EFCAB6: variants seen among roughly 807,000 people sequenced by gnomAD.
EFCAB6 encodes the protein EF-hand calcium binding domain 6.
In EFCAB6, 156 loss-of-function variants were observed where a neutral mutation model predicts 169.8. The ratio of observed to expected loss-of-function variants is 0.92; its 90% CI spans 0.81 to 1.05. The LOEUF is 1.05. Ranked by LOEUF, EFCAB6 falls within the 50% of genes least tolerant of loss-of-function variation. The pLI is 0.00. For synonymous variants in EFCAB6, 698 were observed against 676.4 expected (o/e 1.03, Z -0.50); for missense variants, 1,800 against 1,829.1 (o/e 0.98, Z 0.29).
intron 6 of EFCAB6, among the ~76,000 whole-genome samples, chr22:43,739,491 G>A (rs1319023518): frequency 6.6e-6 from 1 of 151,990 alleles, no homozygotes; most frequent in African/African-American, 2.4e-5. Context: ...GTTCACTCCT[G>A]TGGCTTCAAT....
chr22:43,607,020 C>T (rs1322488272), intron 22 of EFCAB6, among the ~76,000 whole-genome samples: 2 of 152,182 alleles, frequency 1.3e-5, no homozygotes, highest in Non-Finnish European at 2.9e-5. Flanking sequence ...CCCAGCCATC[C>T]TGTCCCCTGA....
intron 17 of EFCAB6, among the ~76,000 whole-genome samples, chr22:43,664,724 G>A (rs1236686950): frequency 6.6e-6 from 1 of 152,206 alleles, no homozygotes; most frequent in Non-Finnish European, 1.5e-5. Flanking sequence ...GATGTGGCTG[G>A]AGTTTCTTGA....
At chr22:43,724,373 T>TC (rs1483787514) in intron 8 of EFCAB6, among the ~76,000 whole-genome samples, 3 of 148,540 alleles carry the variant, frequency 2.0e-5, no homozygotes, top group South Asian at 4.3e-4. Flanking sequence ...TTTTCTTTTT[T>TC]TTTTTTTTTT....
chr22:43,766,925 T>C (rs2061342064), intron 4 of EFCAB6, among the ~76,000 whole-genome samples: 1 of 152,216 alleles, frequency 6.6e-6, no homozygotes. Context: ...AGTGGCACAA[T>C]CTTGGCTCAC....
chr22:43,670,920 T>C (rs73887378), intron 15 of EFCAB6, among the ~76,000 whole-genome samples: 4,175 of 152,326 alleles, frequency 0.027, 186 homozygotes, highest in African/African-American at 0.096. Context: ...CCTCACCATA[T>C]GCTTGGCCCT....
chr22:43,540,218 C>G lies in EFCAB6; in HGVS notation c.3788G>C (p.Ser1263Thr). The change falls in exon 28 of 32, where the codon AGT becomes ACT. Residue 1263 changes from serine to threonine, a missense_variant. Transcript: ENST00000262726. Reference sequence around the variant, plus strand: ...GGTGCCTTCCGAGACGTCAGGGACACTGCTCCCTCTCTGGGCCACGGCCGA... The same window carrying G: ...GGTGCCTTCCGAGACGTCAGGGACAGTGCTCCCTCTCTGGGCCACGGCCGA... ...GDSAVAQRGS[S>T]VPDVSEGTRS... 1 of 1,614,244 alleles carries G rather than the reference C, an allele frequency of 6.2e-7. No individual in the cohort carries two copies. The highest frequency in any genetic ancestry group is 2.2e-5 in the East Asian group (1 of 44,882).
Position 43,738,273 on chromosome 22 carries a change from T to C in EFCAB6, c.508-2280A>G, listed in dbSNP as rs115366568. 1.0e-3 allele frequency among the ~76,000 whole-genome samples: 149 copies of C among 142,178 alleles called. 1 individual carries two copies. Among genetic ancestry groups the C allele is most frequent in the Middle Eastern group, 4.6e-3 (1 of 218 alleles). The allele number at this position is 142,178 out of a possible 152,430, so 93.3% of individuals were successfully genotyped here. On this transcript the variant is annotated intron_variant, in intron 6 of 31. Coordinates refer to ENST00000262726, the MANE Select transcript of EFCAB6 (RefSeq NM_022785.4). ...ATATATTCACTCACACACATGCACA[T>C]ATACACACACACCTGCATATACTCA...
intron 26 of EFCAB6, chr22:43,570,109 A>T (rs1187298086): frequency 6.6e-6 from 1 of 152,200 alleles, no homozygotes; most frequent in Non-Finnish European, 1.5e-5. Flanking sequence ...TGAAAACTAC[A>T]TTCTTCACTT....
intron 8 of EFCAB6, among the ~76,000 whole-genome samples, chr22:43,717,480 C>T (rs1423101624): frequency 6.6e-6 from 1 of 151,490 alleles, no homozygotes; most frequent in Non-Finnish European, 1.5e-5. Flanking sequence ...ATATGAGTAG[C>T]TCTTATGAAT....
intron 10 of EFCAB6, among the ~76,000 whole-genome samples, chr22:43,707,269 A>T (rs542357907): frequency 1.3e-5 from 2 of 152,340 alleles, no homozygotes; most frequent in Non-Finnish European, 2.9e-5. Flanking sequence ...TATAAAAGAC[A>T]GTTTAAGAGA....
chr22:43,747,038 G>A (rs953458000), intron 6 of EFCAB6, among the ~76,000 whole-genome samples: 8 of 152,188 alleles, frequency 5.3e-5, no homozygotes, highest in East Asian at 1.9e-4. Flanking sequence ...AAGACAAACC[G>A]CAGAAGACTG....
chr22:43,580,684 C>A (rs1388864135), intron 24 of EFCAB6, 25 bp from the exon 25 acceptor site: 1 of 1,609,082 alleles, frequency 6.2e-7, no homozygotes, highest in Admixed American at 1.7e-5. Flanking sequence ...AAGAAAAGAA[C>A]ATATTCATTT....
At position 43,723,391 on chromosome 22, in the gene EFCAB6, G is replaced by A. The variant is rs185142840; in HGVS notation, c.758-6419C>T. Reference sequence around the variant, plus strand: ...GTGCTATGCTCACTACCTGGGTGCAGTATACCTGTGTAACAAACCTGCACA... The same window carrying A: ...GTGCTATGCTCACTACCTGGGTGCAATATACCTGTGTAACAAACCTGCACA... On this transcript the variant is annotated intron_variant, in intron 8 of 31. Transcript: ENST00000262726. Among the ~76,000 whole-genome samples, 788 of 152,262 alleles carry A rather than the reference G, an allele frequency of 5.2e-3. 1 individual carries two copies. Among genetic ancestry groups the A allele is most frequent in the African/African-American group, 0.018 (761 of 41,554 alleles).
intron 10 of EFCAB6, among the ~76,000 whole-genome samples, chr22:43,688,509 G>C (rs139375204): frequency 6.6e-6 from 1 of 152,256 alleles, no homozygotes; most frequent in South Asian, 2.1e-4. Context: ...GATTCCTGTG[G>C]GAGCAACCTG....
intron 2 of EFCAB6, among the ~76,000 whole-genome samples, chr22:43,806,827 T>G (rs886774342): frequency 6.6e-6 from 1 of 152,236 alleles, no homozygotes; most frequent in African/African-American, 2.4e-5. Flanking sequence ...AAATTAATCA[T>G]GCCTTTACAA....
intron 10 of EFCAB6, among the ~76,000 whole-genome samples, chr22:43,710,259 C>T (rs534112499): frequency 4.6e-5 from 7 of 152,264 alleles, no homozygotes; most frequent in African/African-American, 1.4e-4. Context: ...CAACCTGGAA[C>T]GTTTGTCATA....
chr22:43,562,584 G>C (rs1327746797), intron 26 of EFCAB6, among the ~76,000 whole-genome samples: 1 of 122,638 alleles, frequency 8.2e-6, no homozygotes, highest in Non-Finnish European at 1.7e-5. Context: ...GCAGCCCGGT[G>C]GGGGGTTGGA....
chr22:43,753,867 C>T (rs112253393), intron 6 of EFCAB6, among the ~76,000 whole-genome samples: 1,838 of 152,258 alleles, frequency 0.012, 18 homozygotes, highest in African/African-American at 0.015. Flanking sequence ...CAGTAAGCCA[C>T]GTGGGCTCAT....
chr22:43,605,500 G>C (rs1310677594), intron 22 of EFCAB6, among the ~76,000 whole-genome samples: 1 of 152,136 alleles, frequency 6.6e-6, no homozygotes, highest in East Asian at 1.9e-4. Context: ...AAAATTAGCT[G>C]AGCGTGGTGG....
Sources: allele counts gnomAD v4.1 joint callset (sites outside exome capture counted in the v4.1 genomes callset), GRCh38; gene constraint gnomAD v4.1.1; transcripts MANE v1.5; gene names NCBI Gene and HGNC (gene_info 2026-07-23, HGNC 2026-07-21).